VAT1L: variants seen among roughly 807,000 people sequenced by gnomAD.
VAT1L encodes vesicle amine transport 1 like.
Under a neutral mutation model 44.1 loss-of-function variants are expected in VAT1L, and 34 were observed. The ratio of observed to expected loss-of-function variants is 0.77; its 90% CI spans 0.59 to 1.03. The LOEUF is 1.03. Among genes scored for constraint, VAT1L ranks in the 50% least tolerant of loss-of-function variants. The pLI is 0.00. For synonymous variants in VAT1L, 253 were observed against 202.2 expected (o/e 1.25, Z -2.13); for missense variants, 615 against 538.8 (o/e 1.14, Z -1.40).
chr16:77,811,384 A>C (rs2016262829), intron 1 of VAT1L, among the ~76,000 whole-genome samples: 1 of 152,228 alleles, frequency 6.6e-6, no homozygotes, highest in South Asian at 2.1e-4. Context: ...TTAAGAAATC[A>C]AATGTGTCTT....
At chr16:77,942,260 A>G (rs2017894791) in intron 7 of VAT1L, among the ~76,000 whole-genome samples, 1 of 152,138 alleles carries the variant, frequency 6.6e-6, no homozygotes, top group African/African-American at 2.4e-5. Flanking sequence ...CCCCTTTATA[A>G]AACCATCAGA....
At chr16:77,977,287 C>T (rs747141393) in intron 8 of VAT1L, among the ~76,000 whole-genome samples, 4 of 152,196 alleles carry the variant, frequency 2.6e-5, no homozygotes, top group African/African-American at 4.8e-5. Flanking sequence ...TCCCACTGCC[C>T]ACACAGGAAC....
At chr16:77,940,217 C>G (rs778829976) in intron 7 of VAT1L, among the ~76,000 whole-genome samples, 26 of 151,992 alleles carry the variant, frequency 1.7e-4, no homozygotes, top group Non-Finnish European at 3.5e-4. Flanking sequence ...TCCATTGCAT[C>G]AAAATTTCCA....
At chr16:77,807,890 G>C (rs1167754112) in intron 1 of VAT1L, among the ~76,000 whole-genome samples, 1 of 152,178 alleles carries the variant, frequency 6.6e-6, no homozygotes, top group South Asian at 2.1e-4. Context: ...CTTAGCTTTG[G>C]TGATTGCAGA....
At chr16:77,905,645 A>G (rs1383850198) in intron 7 of VAT1L, among the ~76,000 whole-genome samples, 2 of 151,990 alleles carry the variant, frequency 1.3e-5, no homozygotes, top group Non-Finnish European at 2.9e-5. Flanking sequence ...TCCCTGCATC[A>G]TTATTCTGTT....
At chr16:77,874,295 C>G (rs886115749) in intron 4 of VAT1L, among the ~76,000 whole-genome samples, 14 of 151,940 alleles carry the variant, frequency 9.2e-5, no homozygotes, top group Non-Finnish European at 1.6e-4. Context: ...AGACCAGGAC[C>G]CCACTCTCGC....
intron 2 of VAT1L, among the ~76,000 whole-genome samples, chr16:77,817,732 C>T (rs1016375464): frequency 6.6e-6 from 1 of 152,032 alleles, no homozygotes; most frequent in Non-Finnish European, 1.5e-5. Context: ...GATGTATGAC[C>T]CTTCCTACTA....
At chr16:77,956,135 C>A (rs2018101056) in intron 7 of VAT1L, among the ~76,000 whole-genome samples, 1 of 152,122 alleles carries the variant, frequency 6.6e-6, no homozygotes, top group South Asian at 2.1e-4. Flanking sequence ...ACTGCATTCT[C>A]CATGATGTGA....
At chr16:77,952,460 A>C (rs543332630) in intron 7 of VAT1L, among the ~76,000 whole-genome samples, 39 of 151,218 alleles carry the variant, frequency 2.6e-4, no homozygotes, top group African/African-American at 9.2e-4. Context: ...GTGACCCCCC[A>C]CCACCACCCC....
intron 7 of VAT1L, among the ~76,000 whole-genome samples, chr16:77,922,081 T>A (rs1048222906): frequency 6.6e-6 from 1 of 152,126 alleles, no homozygotes; most frequent in Non-Finnish European, 1.5e-5. Context: ...TTTTTCAGGT[T>A]AGCACCTACT....
At chr16:77,906,713 G>T (rs2017440992) in intron 7 of VAT1L, among the ~76,000 whole-genome samples, 1 of 152,150 alleles carries the variant, frequency 6.6e-6, no homozygotes, top group Non-Finnish European at 1.5e-5. Context: ...GTCAAGGGTG[G>T]CTCCAAAGCA....
rs11298811 is a variant in VAT1L, at chr16:77,812,084, CTT to C, written c.234-4821_234-4820del. Among the ~76,000 whole-genome samples, 883 of 130,596 alleles carry C rather than the reference CTT, an allele frequency of 6.8e-3. 2 individuals carry two copies. Among genetic ancestry groups the C allele is most frequent in the African/African-American group, 0.012 (414 of 35,948 alleles). The allele number at this position is 130,596 out of a possible 152,430, so 85.7% of individuals were successfully genotyped here. On this transcript the variant is annotated intron_variant, in intron 1 of 8. Transcript: ENST00000302536. ...CCTTTCAGCCTTCTTGTCCTTGAAT[CTT>C]TTTTTTTTTTTTTTTGACAGAGTCT...
At chr16:77,938,481 G>A (rs2017831814) in intron 7 of VAT1L, among the ~76,000 whole-genome samples, 1 of 152,140 alleles carries the variant, frequency 6.6e-6, no homozygotes, top group African/African-American at 2.4e-5. Context: ...CTGGGTGGGA[G>A]GTGACTGGAT....
intron 3 of VAT1L, among the ~76,000 whole-genome samples, chr16:77,842,376 A>G (rs2016716019): frequency 6.6e-6 from 1 of 152,326 alleles, no homozygotes; most frequent in African/African-American, 2.4e-5. Context: ...CAGTGCTTGC[A>G]TTGAGAGGGC....
In VAT1L at chr16:77,913,609, G is replaced by A. The variant is rs761914724; in HGVS notation, c.1077+28807G>A. 5.3e-5 allele frequency among the ~76,000 whole-genome samples: 8 copies of A among 152,026 alleles called. No homozygotes were observed. In the East Asian group the frequency reaches 5.8e-4, roughly 11 times the overall value. On this transcript the variant is annotated intron_variant, in intron 7 of 8. Transcript: ENST00000302536. ...CCATTGTTGGTTCTTCTCCTTGACC[G>A]CTTTATCTTGCAATGTCCCAGGGCT...
chr16:77,904,910 C>A (rs2017423497), intron 7 of VAT1L, among the ~76,000 whole-genome samples: 1 of 152,058 alleles, frequency 6.6e-6, no homozygotes, highest in Non-Finnish European at 1.5e-5. Context: ...TTAACACCTA[C>A]TATTTACCAA....
intron 1 of VAT1L, among the ~76,000 whole-genome samples, chr16:77,799,655 A>G (rs2016011138): frequency 1.3e-5 from 2 of 152,048 alleles, no homozygotes; most frequent in South Asian, 4.1e-4. Flanking sequence ...ACTATTTTAA[A>G]TGGCAGCCAT....
At chr16:77,974,825 T>C (rs988214652) in intron 8 of VAT1L, among the ~76,000 whole-genome samples, 18 of 152,068 alleles carry the variant, frequency 1.2e-4, no homozygotes, top group African/African-American at 4.3e-4. Context: ...TGCCTTGGCC[T>C]CCCAAAGAGC....
chr16:77,917,054 T>G (rs1251829957), intron 7 of VAT1L, among the ~76,000 whole-genome samples: 1 of 152,140 alleles, frequency 6.6e-6, no homozygotes, highest in Non-Finnish European at 1.5e-5. Flanking sequence ...AGGATTTAGA[T>G]AAGAGATATT....
Sources: allele counts gnomAD v4.1 joint callset (sites outside exome capture counted in the v4.1 genomes callset), GRCh38; gene constraint gnomAD v4.1.1; transcripts MANE v1.5; gene names NCBI Gene and HGNC (gene_info 2026-07-23, HGNC 2026-07-21).